Variants in FSTL4 observed in about 807,000 individuals in gnomAD.
The protein encoded by FSTL4 is follistatin like 4, also known as follistatin-related protein 4.
A neutral mutation model predicts 78.2 loss-of-function variants in FSTL4; 28 were observed. The ratio of observed to expected loss-of-function variants is 0.36; its 90% CI spans 0.27 to 0.49. FSTL4 has a LOEUF of 0.49. Ranked by LOEUF, FSTL4 falls within the 20% of genes least tolerant of loss-of-function variation. FSTL4 has a pLI of 0.98. For missense variants in FSTL4, 922 were observed against 1,084.9 expected (o/e 0.85, Z 2.11); for synonymous variants, 422 against 440.5 (o/e 0.96, Z 0.53).
At chr5:133,441,138 C>A (rs1024153534) in intron 3 of FSTL4, among the ~76,000 whole-genome samples, 1 of 152,108 alleles carries the variant, frequency 6.6e-6, no homozygotes, top group African/African-American at 2.4e-5. Context: ...GAAGCCAAGA[C>A]GGGGCAAATT....
the FSTL4 span, among the ~76,000 whole-genome samples, chr5:133,644,795 G>T: frequency 6.6e-6 from 1 of 152,084 alleles, no homozygotes; most frequent in Non-Finnish European, 1.5e-5. Flanking sequence ...TATGGATTGT[G>T]GTCAACATCC....
chr5:133,288,081 C>T (rs1753178631), intron 6 of FSTL4, among the ~76,000 whole-genome samples: 1 of 152,248 alleles, frequency 6.6e-6, no homozygotes, highest in South Asian at 2.1e-4. Flanking sequence ...GACTGAACTA[C>T]ATATAATATA....
chr5:133,534,027 G>A (rs1401601472), intron 3 of FSTL4, among the ~76,000 whole-genome samples: 1 of 152,006 alleles, frequency 6.6e-6, no homozygotes, highest in Non-Finnish European at 1.5e-5. Flanking sequence ...TCTGTTTTGT[G>A]CTACTATAAC....
At chr5:133,232,310 G>A (rs1230611429) in intron 8 of FSTL4, among the ~76,000 whole-genome samples, 1 of 152,332 alleles carries the variant, frequency 6.6e-6, no homozygotes, top group East Asian at 1.9e-4. Flanking sequence ...AGAAGGTGGT[G>A]GCCCCGCCTG....
the FSTL4 span, among the ~76,000 whole-genome samples, chr5:133,653,477 GC>G: frequency 1.3e-5 from 2 of 152,152 alleles, no homozygotes; most frequent in Non-Finnish European, 2.9e-5. Flanking sequence ...ATCCCTCCCT[GC>G]TCCAACTCAG....
the FSTL4 span, among the ~76,000 whole-genome samples, chr5:133,764,193 C>T: frequency 6.6e-6 from 1 of 152,220 alleles, no homozygotes; most frequent in Non-Finnish European, 1.5e-5. Flanking sequence ...GTGAACACTG[C>T]CTTTTCCTTC....
the FSTL4 span, among the ~76,000 whole-genome samples, chr5:133,680,318 G>A: frequency 6.6e-6 from 1 of 152,272 alleles, no homozygotes; most frequent in South Asian, 2.1e-4. Context: ...TATAGCATGC[G>A]GCTAAGAGAG....
At chr5:133,340,056 C>T (rs552723053) in intron 4 of FSTL4, among the ~76,000 whole-genome samples, 1 of 152,040 alleles carries the variant, frequency 6.6e-6, no homozygotes, top group Non-Finnish European at 1.5e-5. Context: ...GGTGCTGTTT[C>T]CCCCCACACT....
intron 4 of FSTL4, among the ~76,000 whole-genome samples, chr5:133,327,139 C>T (rs1277361118): frequency 6.6e-6 from 1 of 152,216 alleles, no homozygotes; most frequent in African/African-American, 2.4e-5. Flanking sequence ...AACCACATAA[C>T]ACCAGGGCCT....
Position 133,338,223 on chromosome 5 carries a change from G to A in FSTL4, c.410-21571C>T, listed in dbSNP as rs1041816912. Among the ~76,000 whole-genome samples, 5 of 152,120 alleles carry A rather than the reference G, an allele frequency of 3.3e-5. No individual in the cohort carries two copies. Among genetic ancestry groups the A allele is most frequent in the African/African-American group, 7.2e-5 (3 of 41,422 alleles). On this transcript the variant is annotated intron_variant, in intron 4 of 15. Coordinates refer to ENST00000265342, the MANE Select transcript of FSTL4 (RefSeq NM_015082.2). The surrounding 1 kb of genome is among the most constrained non-coding windows in gnomAD (Gnocchi z 4.0). ...CTGGCCCTGGCCCTGATGACCCCCC[G>A]GGTGTGTGCCCCTATTCCTGTCTGC...
At chr5:133,386,330 G>A (rs945911881) in intron 4 of FSTL4, among the ~76,000 whole-genome samples, 2 of 152,168 alleles carry the variant, frequency 1.3e-5, no homozygotes, top group African/African-American at 2.4e-5. Context: ...CAGAGTCTCC[G>A]TGGGGCTATA....
Position 133,318,442 on chromosome 5 carries a change from C to A in FSTL4, c.410-1790G>T, listed in dbSNP as rs148183984. Among the ~76,000 whole-genome samples the A allele has an allele frequency of 4.7e-3, 709 of 152,278 alleles. 4 individuals carry two copies. The highest frequency in any genetic ancestry group is 0.016 in the African/African-American group (682 of 41,544). On this transcript the variant is annotated intron_variant, in intron 4 of 15. Transcript: ENST00000265342. ...AGTTTTGCCTGAGTCTAGCTCCTCACTCCCTGAAAGAGGCTGAAATTTTGT... is the reference window on the plus strand; with the variant it reads ...AGTTTTGCCTGAGTCTAGCTCCTCAATCCCTGAAAGAGGCTGAAATTTTGT...
chr5:133,824,633 C>T, the FSTL4 span, among the ~76,000 whole-genome samples: 2 of 152,198 alleles, frequency 1.3e-5, no homozygotes, highest in African/African-American at 4.8e-5. Context: ...AGACTCGGGG[C>T]GAAGAAGGCC....
At chr5:133,475,767 T>C (rs1757914701) in intron 3 of FSTL4, among the ~76,000 whole-genome samples, 1 of 152,052 alleles carries the variant, frequency 6.6e-6, no homozygotes, top group African/African-American at 2.4e-5. Context: ...AACTGGGAGA[T>C]TGAATTTGGA....
intron 6 of FSTL4, among the ~76,000 whole-genome samples, chr5:133,280,196 C>G (rs1389053503): frequency 1.3e-5 from 2 of 152,220 alleles, no homozygotes; most frequent in Admixed American, 1.3e-4. Context: ...CTCTAGTACC[C>G]TCTAGGCCTC....
In FSTL4 at chr5:133,231,990, G is replaced by C. The variant is rs72803110; in HGVS notation, c.1015+1427C>G. 8.3e-3 allele frequency among the ~76,000 whole-genome samples: 1,265 copies of C among 152,312 alleles called. 8 individuals carry two copies. Among genetic ancestry groups the C allele is most frequent in the Non-Finnish European group, 0.014 (967 of 68,022 alleles). On this transcript the variant is annotated intron_variant, in intron 8 of 15. Coordinates refer to ENST00000265342, the MANE Select transcript of FSTL4 (RefSeq NM_015082.2). Reference sequence around the variant, plus strand: ...GCACAGTCACGAAAGTAGCATGCGGGAGTAATAAACAGATTCAGGAGGTTA... The same window carrying C: ...GCACAGTCACGAAAGTAGCATGCGGCAGTAATAAACAGATTCAGGAGGTTA...
intron 3 of FSTL4, among the ~76,000 whole-genome samples, chr5:133,486,742 G>A (rs1482975219): frequency 6.6e-6 from 1 of 152,152 alleles, no homozygotes; most frequent in Non-Finnish European, 1.5e-5. Context: ...ACAGGGGTCA[G>A]TGATCCCAGA....
rs148863983 is a variant in FSTL4 at position 133,541,337 on chromosome 5, T to C, written c.160+25849A>G. ...GCTGTCTCAGGCTCTTTCCATGTGGTTCTTCCACATGGACTAGTTTGCACA... is the reference window on the plus strand; with the variant it reads ...GCTGTCTCAGGCTCTTTCCATGTGGCTCTTCCACATGGACTAGTTTGCACA... On this transcript the variant is annotated intron_variant, in intron 3 of 15. Coordinates refer to ENST00000265342, the MANE Select transcript of FSTL4 (RefSeq NM_015082.2). Among the ~76,000 whole-genome samples, 909 of 152,214 alleles carry C rather than the reference T, an allele frequency of 6.0e-3. 10 individuals are homozygous for C. Among genetic ancestry groups the C allele is most frequent in the African/African-American group, 0.021 (865 of 41,506 alleles).
intron 3 of FSTL4, among the ~76,000 whole-genome samples, chr5:133,497,326 C>T (rs892005707): frequency 1.3e-5 from 2 of 152,148 alleles, no homozygotes; most frequent in African/African-American, 2.4e-5. Context: ...TTTCCTCTCC[C>T]GATGGAAGAA....
Sources: gnomAD v4.1 joint callset for allele counts (sites outside exome capture counted in the v4.1 genomes callset) on GRCh38, gnomAD v4.1.1 for gene constraint, Gnocchi (gnomAD v3.1) non-coding constraint, MANE v1.5 for transcripts, NCBI Gene and HGNC (gene_info 2026-07-23, HGNC 2026-07-21) for gene names.